Variants in CDHR3 observed in about 807,000 individuals in gnomAD.
CDHR3 encodes cadherin-related family member 3.
In CDHR3, 79 loss-of-function variants were observed where a neutral mutation model predicts 86.6. That is an observed-to-expected ratio of 0.91 (90% CI 0.76 to 1.10). The LOEUF (loss-of-function observed/expected upper bound fraction) is 1.10. Among genes scored for constraint, CDHR3 ranks in the 50% least tolerant of loss-of-function variants. The pLI is 0.00. For synonymous variants in CDHR3, 421 were observed against 402.4 expected (o/e 1.05, Z -0.55); for missense variants, 1,081 against 1,077.6 (o/e 1.00, Z -0.04).
intron 8 of CDHR3, among the ~76,000 whole-genome samples, chr7:106,012,564 G>A (rs918387974): frequency 2.6e-5 from 4 of 152,130 alleles, no homozygotes; most frequent in Non-Finnish European, 4.4e-5. Flanking sequence ...GTCATGAAGC[G>A]TCCTGCAGAT....
chr7:106,023,452 G>A (rs745961238), intron 14 of CDHR3, among the ~76,000 whole-genome samples: 38 of 152,298 alleles, frequency 2.5e-4, no homozygotes, highest in Admixed American at 4.6e-4. Flanking sequence ...GGAAGGGAGA[G>A]CCTTGAATCT....
chr7:105,965,571 C>CCCCCCA lies in CDHR3; in HGVS notation c.46+2208_46+2213dup, dbSNP rs558137110. 2.8e-4 allele frequency among the ~76,000 whole-genome samples: 31 copies of CCCCCCA among 112,482 alleles called. 1 individual carries two copies. The highest frequency in any genetic ancestry group is 8.4e-4 in the African/African-American group (29 of 34,328). 73.8% of individuals were successfully genotyped at this position (112,482 alleles called of 152,430 possible). A position where few individuals can be genotyped will look rare whatever the true frequency, so the allele number is the denominator to read the frequency against. Reference sequence around the variant, plus strand: ...TCAAGGCCCAACTCAAGCCCCACCCCCCCCCATGGAGTCTTCCTGGATTGA... The same window carrying CCCCCCA: ...TCAAGGCCCAACTCAAGCCCCACCCCCCCCCACCCCCATGGAGTCTTCCTGGATTGA... On this transcript the variant is annotated intron_variant, in intron 1 of 18. Coordinates refer to ENST00000317716, the MANE Select transcript of CDHR3 (RefSeq NM_152750.5).
intron 13 of CDHR3, among the ~76,000 whole-genome samples, chr7:106,020,899 T>A (rs555330480): frequency 6.6e-6 from 1 of 152,204 alleles, no homozygotes; most frequent in South Asian, 2.1e-4. Flanking sequence ...CCAGACCCCA[T>A]ACGTGACTGC....
intron 6 of CDHR3, among the ~76,000 whole-genome samples, chr7:106,000,899 CAAAAAAAAAAAAAAAAAAGACAAGG>C (rs1236393543): frequency 1.1e-5 from 1 of 90,720 alleles, no homozygotes; most frequent in Non-Finnish European, 2.3e-5. Context: ...TATCCTCAGG[CAAAAAAAAAAAAAAAAAAGACAAGG>C]AAGAAAAAAA....
chr7:105,988,737 G>T (rs922377778), intron 4 of CDHR3, among the ~76,000 whole-genome samples: 1 of 152,188 alleles, frequency 6.6e-6, no homozygotes, highest in Non-Finnish European at 1.5e-5. Flanking sequence ...GTCCAATAAA[G>T]CTATACTGTG....
chr7:106,019,968 G>A (rs766892590), intron 12 of CDHR3, among the ~76,000 whole-genome samples: 2 of 152,050 alleles, frequency 1.3e-5, no homozygotes, highest in East Asian at 1.9e-4. Flanking sequence ...TGGAGACACC[G>A]TAAATCCACA....
rs369582599 is a variant in CDHR3 at position 105,963,413 on chromosome 7, A to G, written c.46+49A>G. 6.1e-5 allele frequency: 96 copies of G among 1,576,576 alleles called. 1 individual carries two copies. The highest frequency in any genetic ancestry group is 2.8e-4 in the South Asian group (25 of 90,184). On this transcript the variant is annotated intron_variant, in intron 1 of 18. Transcript: ENST00000317716. ...AACCTTGCTTGCCTACTTGGTCTGC[A>G]TAATACCATTGAATGACAATGTCCC...
chr7:105,969,255 C>T (rs1371466389), intron 1 of CDHR3, among the ~76,000 whole-genome samples: 2 of 150,488 alleles, frequency 1.3e-5, no homozygotes, highest in African/African-American at 4.9e-5. Context: ...AAAAATTAGC[C>T]GGGCGAGGTG....
At chr7:106,015,778 G>T (rs761706088) in intron 10 of CDHR3, 149 bp from the exon 11 acceptor site, 51 of 688,992 alleles carry the variant, frequency 7.4e-5, no homozygotes, top group Middle Eastern at 4.6e-4. Context: ...GAACACCCTC[G>T]GCATCTAAAA....
In CDHR3 at chr7:106,036,000, T is replaced by TTGA. The variant is rs1838893208; in HGVS notation, c.*3305_*3307dup. On this transcript the variant is annotated 3_prime_UTR_variant, in exon 19 of 19. Transcript: ENST00000317716. ...TCTCAAGGCCTTAAACAGGTATGAG[T>TTGA]TGATTATAGCCAATGTTTACTTTTC... The TTGA allele has an allele frequency of 6.6e-6, 1 of 152,168 alleles. No homozygotes were observed. The highest frequency in any genetic ancestry group is 6.5e-5 in the Admixed American group (1 of 15,276). 9.4% of individuals were successfully genotyped at this position (152,168 alleles called of 1,614,324 possible).
chr7:105,994,877 T>C (rs1321996506), intron 5 of CDHR3, 32 bp downstream of exon 5: 6 of 1,530,950 alleles, frequency 3.9e-6, no homozygotes, highest in South Asian at 1.2e-5. Context: ...CATGAAGTAC[T>C]GTTTATCTGA....
chr7:105,998,997 C>A (rs927981351), intron 6 of CDHR3, among the ~76,000 whole-genome samples: 3 of 152,194 alleles, frequency 2.0e-5, no homozygotes, highest in Non-Finnish European at 4.4e-5. Context: ...TTACTGAATA[C>A]TCATTCATAG....
intron 7 of CDHR3, 68 bp downstream of exon 7, chr7:106,001,678 G>A (rs1833201479): frequency 1.3e-6 from 2 of 1,578,070 alleles, no homozygotes; most frequent in Admixed American, 1.7e-5. Flanking sequence ...TTACAATGTA[G>A]TTGTCCCTCG....
intron 15 of CDHR3, 60 bp from the exon 16 acceptor site, chr7:106,026,622 G>A (rs1226649287): frequency 5.1e-6 from 8 of 1,576,822 alleles, no homozygotes; most frequent in Non-Finnish European, 3.5e-6. Context: ...ATGGTGTCAT[G>A]TGTGTGCCAG....
chr7:106,026,768 C>T (rs1437236576), intron 16 of CDHR3, 73 bp downstream of exon 16: 2 of 1,504,344 alleles, frequency 1.3e-6, no homozygotes, highest in East Asian at 2.3e-5. Context: ...AAGGTTCCTA[C>T]TCGGCAAAGA....
intron 3 of CDHR3, among the ~76,000 whole-genome samples, chr7:105,982,481 GAA>G (rs1224349907): frequency 9.2e-6 from 1 of 108,398 alleles, no homozygotes. Context: ...AAAAAAAAAA[GAA>G]AAAAAAAAAA....
At chr7:106,017,601 A>ACG (rs1234835924) in intron 11 of CDHR3, among the ~76,000 whole-genome samples, 8 of 151,710 alleles carry the variant, frequency 5.3e-5, no homozygotes. Context: ...ACACACACAC[A>ACG]CACACACAAA....
At chr7:105,996,674 C>T (rs369251457) in intron 6 of CDHR3, among the ~76,000 whole-genome samples, 1 of 152,272 alleles carries the variant, frequency 6.6e-6, no homozygotes, top group East Asian at 1.9e-4. Flanking sequence ...AAATAAAGTG[C>T]CGCGCTTTAG....
At position 105,984,196 on chromosome 7, in the gene CDHR3, A is replaced by G; in HGVS notation, c.420A>G (p.Leu140=). The G allele has an allele frequency of 4.4e-6, 7 of 1,591,958 alleles. No homozygotes were observed. Among genetic ancestry groups the G allele is most frequent in the Non-Finnish European group, 6.0e-6 (7 of 1,165,198 alleles). Residue 140 remains leucine, a synonymous_variant, in exon 4 of 19, where the codon CTA becomes CTG. Coordinates refer to ENST00000317716, the MANE Select transcript of CDHR3 (RefSeq NM_152750.5). Reference sequence around the variant, plus strand: ...CCACTTTGGACACTGGTCTAGGTCTACACCTCTACATAGTAGAAAGAGCAA... The same window carrying G: ...CCACTTTGGACACTGGTCTAGGTCTGCACCTCTACATAGTAGAAAGAGCAA... ...PQFQGNLAEG[L]HLYIVERANP...
Sources: allele counts gnomAD v4.1 joint callset (sites outside exome capture counted in the v4.1 genomes callset), GRCh38; gene constraint gnomAD v4.1.1; transcripts MANE v1.5; gene names NCBI Gene and HGNC (gene_info 2026-07-23, HGNC 2026-07-21).